PARD3: variants seen among roughly 807,000 people sequenced by gnomAD.
PARD3 encodes par-3 family cell polarity regulator.
In PARD3, 75 loss-of-function variants were observed where a neutral mutation model predicts 155.4. The ratio of observed to expected loss-of-function variants is 0.48; its 90% confidence interval spans 0.40 to 0.58. PARD3 has a LOEUF of 0.58. Ranked by LOEUF, PARD3 falls within the 20% of genes least tolerant of loss-of-function variation. The pLI is 0.00. For missense variants in PARD3, 1,642 were observed against 1,721.7 expected, an observed-to-expected ratio of 0.95 and a Z score of 0.82; for synonymous variants, 576 against 610.5, an observed-to-expected ratio of 0.94 and a Z score of 0.83.
chr10:34,320,410 A>C (rs942980938), intron 19 of PARD3, among the ~76,000 whole-genome samples: 2 of 152,244 alleles, frequency 1.3e-5, no homozygotes, highest in Non-Finnish European at 2.9e-5. Context: ...AACTATAAAC[A>C]GAAAAATGAG....
At chr10:34,189,126 G>A (rs946186555) in intron 22 of PARD3, among the ~76,000 whole-genome samples, 1 of 152,138 alleles carries the variant, frequency 6.6e-6, no homozygotes, top group East Asian at 1.9e-4. Context: ...GAGGCCAAGA[G>A]CTCAAGACAA....
chr10:34,367,194 GA>G (rs1452696345), intron 12 of PARD3, among the ~76,000 whole-genome samples: 1 of 152,116 alleles, frequency 6.6e-6, no homozygotes, highest in African/African-American at 2.4e-5. Flanking sequence ...TTGTTCTTGA[GA>G]AAATATTAAC....
chr10:34,564,441 G>A (rs1004591873), intron 2 of PARD3, among the ~76,000 whole-genome samples: 1 of 152,092 alleles, frequency 6.6e-6, no homozygotes, highest in African/African-American at 2.4e-5. Flanking sequence ...TTCCATTTCA[G>A]GATTTGCTTA....
intron 3 of PARD3, among the ~76,000 whole-genome samples, chr10:34,471,964 G>T (rs147405021): frequency 6.6e-6 from 1 of 152,300 alleles, no homozygotes; most frequent in East Asian, 1.9e-4. Flanking sequence ...TGGAAACCTT[G>T]AGGATACCAA....
At position 34,679,130 on chromosome 10, in the gene PARD3, G is replaced by A. The variant is rs143466855; in HGVS notation, c.222+17188C>T. 2.1e-3 allele frequency among the ~76,000 whole-genome samples: 313 copies of A among 152,220 alleles called. 1 individual carries two copies. Among genetic ancestry groups the A allele is most frequent in the African/African-American group, 7.3e-3 (303 of 41,542 alleles). Reference sequence around the variant, plus strand: ...CAACCTGTTTTGCTCAGTCCTCAAGGAAAGGGCAAAACCTCAAGTAAAGGG... The same window carrying A: ...CAACCTGTTTTGCTCAGTCCTCAAGAAAAGGGCAAAACCTCAAGTAAAGGG... On this transcript the variant is annotated intron_variant, in intron 2 of 24. Transcript: ENST00000374788.
At chr10:34,727,166 G>T (rs2094728995) in intron 1 of PARD3, among the ~76,000 whole-genome samples, 1 of 152,190 alleles carries the variant, frequency 6.6e-6, no homozygotes. Flanking sequence ...TGGCTCAAGA[G>T]TCACAAGCTC....
chr10:34,495,391 G>A (rs925700505), intron 3 of PARD3, among the ~76,000 whole-genome samples: 1 of 152,150 alleles, frequency 6.6e-6, no homozygotes, highest in Non-Finnish European at 1.5e-5. Flanking sequence ...GAATTGGCAA[G>A]GAGAACCCAC....
intron 1 of PARD3, among the ~76,000 whole-genome samples, chr10:34,713,068 C>T (rs1042268494): frequency 9.9e-5 from 15 of 151,776 alleles, no homozygotes; most frequent in African/African-American, 3.6e-4. Flanking sequence ...ATAAATTAGC[C>T]GGGCATGGTG....
At chr10:34,162,301 G>A (rs561252651) in intron 22 of PARD3, among the ~76,000 whole-genome samples, 16 of 152,178 alleles carry the variant, frequency 1.1e-4, no homozygotes, top group South Asian at 2.1e-4. Flanking sequence ...AGAAGCCCTC[G>A]TATTCAACTG....
At chr10:34,657,536 G>GTTTGT (rs1564469222) in intron 2 of PARD3, among the ~76,000 whole-genome samples, 1 of 151,794 alleles carries the variant, frequency 6.6e-6, no homozygotes, top group Non-Finnish European at 1.5e-5. Context: ...TGTTTTGTTT[G>GTTTGT]TTTGTTTGTT....
chr10:34,229,620 T>C (rs1189712794), intron 22 of PARD3, among the ~76,000 whole-genome samples: 1 of 151,752 alleles, frequency 6.6e-6, no homozygotes, highest in East Asian at 1.9e-4. Flanking sequence ...ATTTTGCTCT[T>C]GTTCATACGT....
chr10:34,201,137 T>C (rs1050583236), intron 22 of PARD3, among the ~76,000 whole-genome samples: 3 of 152,178 alleles, frequency 2.0e-5, no homozygotes, highest in Non-Finnish European at 2.9e-5. Context: ...TCTATCACCA[T>C]GTACTATGGG....
chr10:34,606,156 A>ATGTGTGTGTG (rs59792013), intron 2 of PARD3, among the ~76,000 whole-genome samples: 2 of 126,500 alleles, frequency 1.6e-5, no homozygotes, highest in Non-Finnish European at 3.4e-5. Flanking sequence ...ATAAAGGGAA[A>ATGTGTGTGTG]TGTGTGTGTG....
intron 2 of PARD3, among the ~76,000 whole-genome samples, chr10:34,534,544 T>C (rs2083086674): frequency 6.6e-6 from 1 of 152,186 alleles, no homozygotes; most frequent in South Asian, 2.1e-4. Flanking sequence ...TGAAGAGGGC[T>C]ACAATGCCAA....
chr10:34,752,751 A>C (rs1836215579), intron 1 of PARD3, among the ~76,000 whole-genome samples: 1 of 152,240 alleles, frequency 6.6e-6, no homozygotes, highest in African/African-American at 2.4e-5. Context: ...GGACGCTATT[A>C]CCAGCCACAC....
At chr10:34,645,437 G>A (rs1590383501) in intron 2 of PARD3, among the ~76,000 whole-genome samples, 1 of 151,810 alleles carries the variant, frequency 6.6e-6, no homozygotes, top group African/African-American at 2.4e-5. Context: ...AACTCCTGAC[G>A]TCAAGTGATC....
At chr10:34,615,536 G>A (rs78063696) in intron 2 of PARD3, among the ~76,000 whole-genome samples, 22 of 152,236 alleles carry the variant, frequency 1.4e-4, no homozygotes, top group African/African-American at 4.8e-4. Context: ...AAGGCTTCCC[G>A]ACATTGGTCT....
chr10:34,370,807 GGTGTGTGTGT>G (rs3040369), intron 12 of PARD3, among the ~76,000 whole-genome samples: 281 of 145,670 alleles, frequency 1.9e-3, no homozygotes, highest in Middle Eastern at 3.6e-3. Context: ...ATACAAATGG[GGTGTGTGTGT>G]GTGTGTGTGT....
At chr10:34,360,345 C>T in intron 12 of PARD3, 86 bp from the exon 13 acceptor site, 7 of 960,774 alleles carry the variant, frequency 7.3e-6, no homozygotes, top group Non-Finnish European at 9.6e-6. Flanking sequence ...TGAGCAGTTC[C>T]TTAATCATAA....
Sources: gnomAD v4.1 joint callset for allele counts (sites outside exome capture counted in the v4.1 genomes callset) on GRCh38, gnomAD v4.1.1 for gene constraint, MANE v1.5 for transcripts, NCBI Gene and HGNC (gene_info 2026-07-23, HGNC 2026-07-21) for gene names.